The following SLC44A5 variants were observed in gnomAD, a reference collection of about 807,000 sequenced individuals.
SLC44A5 encodes the protein choline transporter-like protein 5.
A neutral mutation model predicts 101.8 loss-of-function variants in SLC44A5; 57 were observed. That is an observed-to-expected ratio of 0.56 (90% CI 0.45 to 0.70). SLC44A5 has a LOEUF of 0.70. Among genes scored for constraint, SLC44A5 ranks in the 30% least tolerant of loss-of-function variants. SLC44A5 has a pLI of 0.00. For synonymous variants in SLC44A5, 281 were observed against 290.9 expected, an observed-to-expected ratio of 0.97 and a Z score of 0.35; for missense variants, 737 against 853.1, an observed-to-expected ratio of 0.86 and a Z score of 1.70.
chr1:75,426,816 A>G (rs1427173150), intron 2 of SLC44A5, among the ~76,000 whole-genome samples: 3 of 152,238 alleles, frequency 2.0e-5, no homozygotes, highest in Non-Finnish European at 4.4e-5. Context: ...CAGGGAGAGA[A>G]GAGAATCTAT....
At chr1:75,623,601 A>T in the SLC44A5 span, among the ~76,000 whole-genome samples, 1 of 151,654 alleles carries the variant, frequency 6.6e-6, no homozygotes, top group Non-Finnish European at 1.5e-5. Flanking sequence ...TTTTTTTTTA[A>T]AATGGACCAT....
At chr1:75,677,887 G>A in the SLC44A5 span, 40 of 330,532 alleles carry the variant, frequency 1.2e-4, 1 homozygote, top group South Asian at 5.8e-4. Flanking sequence ...GACAGTGGGC[G>A]CAGGTCAGTG....
chr1:75,702,894 A>C, the SLC44A5 span, among the ~76,000 whole-genome samples: 7 of 152,324 alleles, frequency 4.6e-5, no homozygotes, highest in South Asian at 2.1e-4. Flanking sequence ...ATGCAGCCAA[A>C]AGACACATGA....
At chr1:75,516,722 G>C (rs1669861337) in intron 2 of SLC44A5, among the ~76,000 whole-genome samples, 2 of 152,164 alleles carry the variant, frequency 1.3e-5, no homozygotes, top group African/African-American at 2.4e-5. Context: ...CCAGCACAAT[G>C]CATGGCACAC....
intron 3 of SLC44A5, among the ~76,000 whole-genome samples, chr1:75,387,112 A>G (rs1369385884): frequency 6.6e-6 from 1 of 152,220 alleles, no homozygotes; most frequent in Non-Finnish European, 1.5e-5. Flanking sequence ...AAATCCTAGA[A>G]GAAAACCTAG....
intron 4 of SLC44A5, among the ~76,000 whole-genome samples, chr1:75,316,341 T>C (rs1259844810): frequency 6.6e-6 from 1 of 152,214 alleles, no homozygotes; most frequent in African/African-American, 2.4e-5. Context: ...TTGAAAGCTC[T>C]CTCACCCTTA....
intron 1 of SLC44A5, among the ~76,000 whole-genome samples, chr1:75,606,784 G>A (rs142320903): frequency 5.7e-4 from 86 of 151,980 alleles, no homozygotes; most frequent in African/African-American, 1.3e-3. Context: ...TATGGGCAGC[G>A]TTTGACACTG....
the SLC44A5 span, among the ~76,000 whole-genome samples, chr1:75,658,752 G>C: frequency 6.6e-6 from 1 of 151,844 alleles, no homozygotes; most frequent in Admixed American, 6.6e-5. Flanking sequence ...CCCAAAATTA[G>C]TAGAAGAAAA....
the SLC44A5 span, among the ~76,000 whole-genome samples, chr1:75,651,510 C>T: frequency 1.3e-5 from 2 of 151,894 alleles, no homozygotes; most frequent in Non-Finnish European, 2.9e-5. Context: ...TCCTGGCTAA[C>T]ACGGTGAAAC....
At chr1:75,300,564 T>C (rs766907508) in intron 5 of SLC44A5, 48 bp downstream of exon 5, 1 of 1,238,194 alleles carries the variant, frequency 8.1e-7, no homozygotes, top group Non-Finnish European at 1.2e-6. Context: ...CTGACTTAGT[T>C]ATTCCATTAG....
At chr1:75,722,761 C>T in the SLC44A5 span, among the ~76,000 whole-genome samples, 1 of 152,164 alleles carries the variant, frequency 6.6e-6, no homozygotes, top group African/African-American at 2.4e-5. Flanking sequence ...TTTCTACGTT[C>T]GTCCCTTCAT....
chr1:75,220,954 C>T (rs539551839), intron 14 of SLC44A5, among the ~76,000 whole-genome samples: 4 of 152,252 alleles, frequency 2.6e-5, no homozygotes, highest in Admixed American at 2.0e-4. Flanking sequence ...GAGCAAACTA[C>T]CAACATGTTT....
At chr1:75,596,288 T>A (rs1674630775) in intron 1 of SLC44A5, among the ~76,000 whole-genome samples, 1 of 151,750 alleles carries the variant, frequency 6.6e-6, no homozygotes. Context: ...GCTCTGAAAT[T>A]GAGGCAGTAA....
chr1:75,641,777 C>A, the SLC44A5 span: 1 of 1,569,800 alleles, frequency 6.4e-7, no homozygotes, highest in Non-Finnish European at 8.8e-7. Flanking sequence ...CAGTGGAAAT[C>A]CTTTAGAGTG....
At chr1:75,511,917 C>G (rs553944696) in intron 2 of SLC44A5, among the ~76,000 whole-genome samples, 1 of 152,174 alleles carries the variant, frequency 6.6e-6, no homozygotes, top group Non-Finnish European at 1.5e-5. Context: ...ATTATAATCT[C>G]AACTACATAG....
At chr1:75,614,739 T>G (rs1297707099), upstream of SLC44A5, among the ~76,000 whole-genome samples, 4 of 152,124 alleles carry the variant, frequency 2.6e-5, no homozygotes, top group Non-Finnish European at 5.9e-5. Flanking sequence ...GCCTCCCAGG[T>G]CATTGGGCCC....
Position 75,302,112 on chromosome 1 carries a change from G to GTTTTTTTTTTTTTT in SLC44A5, c.102-1441_102-1428dup, listed in dbSNP as rs10684140. On this transcript the variant is annotated intron_variant, in intron 4 of 23. Transcript: ENST00000370859. ...AGAAAGCAGGTGCTCTAGTTTTTTT[G>GTTTTTTTTTTTTTT]TTTTTTTTTTTTTTTTTTTTTTTTG... is the stretch of plus-strand genomic sequence containing the variant. 9.8e-3 allele frequency among the ~76,000 whole-genome samples: 590 copies of GTTTTTTTTTTTTTT among 60,138 alleles called. 94 individuals are homozygous for GTTTTTTTTTTTTTT. The highest frequency in any genetic ancestry group is 0.025 in the Middle Eastern group (1 of 40). 39.5% of individuals were successfully genotyped at this position (60,138 alleles called of 152,430 possible).
the SLC44A5 span, among the ~76,000 whole-genome samples, chr1:75,701,898 C>T: frequency 6.6e-6 from 1 of 152,090 alleles, no homozygotes; most frequent in Admixed American, 6.6e-5. Flanking sequence ...GAGTGAACTC[C>T]CATTCACAAT....
intron 5 of SLC44A5, among the ~76,000 whole-genome samples, chr1:75,290,069 G>A (rs1452996987): frequency 1.3e-5 from 2 of 152,192 alleles, no homozygotes; most frequent in East Asian, 3.8e-4. Flanking sequence ...TGATAACAGG[G>A]ATGAAGATTA....
Sources: gnomAD v4.1 joint callset for allele counts (sites outside exome capture counted in the v4.1 genomes callset) on GRCh38, gnomAD v4.1.1 for gene constraint, MANE v1.5 for transcripts, NCBI Gene and HGNC (gene_info 2026-07-23, HGNC 2026-07-21) for gene names.